Variants in NOTUM observed in about 807,000 individuals in gnomAD.
NOTUM encodes the protein notum, palmitoleoyl-protein carboxylesterase.
Under a neutral mutation model 65.5 loss-of-function variants are expected in NOTUM, and 36 were observed. The observed-to-expected ratio is 0.55, with a 90% CI of 0.42 to 0.73. NOTUM has a LOEUF of 0.73. Among genes scored for constraint, NOTUM ranks in the 30% least tolerant of loss-of-function variants. NOTUM has a pLI of 0.00. For missense variants in NOTUM, 659 were observed against 694.2 expected, an observed-to-expected ratio of 0.95 and a Z score of 0.57; for synonymous variants, 356 against 297.9, an observed-to-expected ratio of 1.20 and a Z score of -2.01.
intron 4 of NOTUM, among the ~76,000 whole-genome samples, chr17:81,958,699 G>C (rs1598368961): frequency 6.6e-6 from 1 of 150,700 alleles, no homozygotes; most frequent in Admixed American, 6.6e-5. Context: ...TGCCAGGAAG[G>C]ACCATCTCAG....
In NOTUM at chr17:81,955,397, G is replaced by T; in HGVS notation, c.1136C>A (p.Pro379Gln). Residue 379 changes from proline (P) to glutamine (Q), a missense_variant and splice_region_variant, in exon 9 of 11, where the codon CCG (proline) becomes CAG (glutamine). Pro to Gln is a moderately conservative substitution (Grantham distance 76, BLOSUM62 -1). Coordinates refer to ENST00000409678, the MANE Select transcript of NOTUM (RefSeq NM_178493.6). ...GGGCTCCCGGGGCCCACACACTCAC[G>T]GCACGTCCTTGAGTGTGTGGCGCAG... ...RELRHTLKDV[P>Q]ASFAPACLSH... The T allele has an allele frequency of 1.3e-6, 2 of 1,573,754 alleles. No homozygotes were observed. The highest frequency in any genetic ancestry group is 1.7e-6 in the Non-Finnish European group (2 of 1,158,980).
At chr17:81,959,716 GGGGTCGGCCA>G (rs759752150) in intron 1 of NOTUM, 24 bp from the exon 2 acceptor site, 1 of 1,421,524 alleles carries the variant, frequency 7.0e-7, no homozygotes, top group South Asian at 1.4e-5. Flanking sequence ...CGCACCGCGG[GGGGTCGGCCA>G]GGGCTGCCGA....
At chr17:81,958,455 A>G in intron 4 of NOTUM, 62 bp from the exon 5 acceptor site, 1 of 1,107,918 alleles carries the variant, frequency 9.0e-7, no homozygotes, top group Non-Finnish European at 1.4e-6. Flanking sequence ...TCCAGAAAGG[A>G]CCCCCAGAAC....
Position 81,954,931 on chromosome 17 carries a change from ATCTC to A in NOTUM, c.1136+462_1136+465del, listed in dbSNP as rs35033192. Among the ~76,000 whole-genome samples, 743 of 110,098 alleles carry A rather than the reference ATCTC, an allele frequency of 6.7e-3. 10 individuals are homozygous for A. Among genetic ancestry groups the A allele is most frequent in the Middle Eastern group, 0.021 (4 of 188 alleles). The allele number at this position is 110,098 out of a possible 152,430, so 72.2% of individuals were successfully genotyped here. The stretch of plus-strand genomic sequence containing the variant: ...TGTGCCAGGCCCAAGACCGATCTCG[ATCTC>A]TCTCTCTCTCTCTCTCTCTCTCTCC... On this transcript the variant is annotated intron_variant, in intron 9 of 10. Transcript: ENST00000409678.
chr17:81,960,766 G>C lies in NOTUM; in HGVS notation c.144C>G (p.Pro48=), dbSNP rs753584133. 2.5e-6 allele frequency: 4 copies of C among 1,580,592 alleles called. No homozygotes were observed. The highest frequency in any genetic ancestry group is 3.4e-6 in the Non-Finnish European group (4 of 1,164,218). The change falls in exon 1 of 11, where the codon CCC becomes CCG. Residue 48 remains proline (P), a synonymous_variant. Transcript: ENST00000409678. This position sits in a 1 kb window ranked among gnomAD's most constrained non-coding sequence, Gnocchi z 6.4. ...RTEAAPAAGQ[P]VESFPLDFTA... Reference sequence around the variant, plus strand: ...TGAAGTCCAGCGGGAAGCTCTCCACGGGCTGTCCGGCCGCCGGCGCCGCCT... The same window carrying C: ...TGAAGTCCAGCGGGAAGCTCTCCACCGGCTGTCCGGCCGCCGGCGCCGCCT...
At position 81,952,971 on chromosome 17, in the gene NOTUM, T is replaced by C. The variant is rs747230365; in HGVS notation, c.1481A>G (p.Asn494Ser). The C allele has an allele frequency of 4.3e-6, 7 of 1,613,814 alleles. No individual in the cohort carries two copies. The highest frequency in any genetic ancestry group is 1.6e-4 in the Middle Eastern group (1 of 6,062). Residue 494 changes from asparagine (N) to serine (S), a missense_variant, in exon 11 of 11, where the codon AAC becomes AGC. Asn to Ser is a conservative substitution (Grantham distance 46). Transcript: ENST00000409678. ...EPSELLGMLS[N>S]GS ...CTCCAGACAGTCTGCCTAGCTTCCG[T>C]TGCTCAGCATCCCCAGCAGCTCACT...
At chr17:81,958,244 C>A in intron 5 of NOTUM, 91 bp downstream of exon 5, 2 of 867,598 alleles carry the variant, frequency 2.3e-6, no homozygotes, top group South Asian at 1.4e-5. Context: ...TGCCGTCCCG[C>A]CTCATCCCTG....
chr17:81,958,223 C>T, intron 5 of NOTUM, 112 bp downstream of exon 5: 1 of 754,948 alleles, frequency 1.3e-6, no homozygotes, highest in Non-Finnish European at 2.3e-6. Flanking sequence ...TCAGCTTTTC[C>T]CCAGAACCCC....
At chr17:81,956,502 T>G in intron 8 of NOTUM, 148 bp downstream of exon 8, 1 of 617,206 alleles carries the variant, frequency 1.6e-6, no homozygotes, top group Non-Finnish European at 2.9e-6. Context: ...GCCGGCCTCC[T>G]CCCTGGTACA....
At position 81,955,408 on chromosome 17, in the gene NOTUM, G is replaced by C. The variant is rs1341002108; in HGVS notation, c.1125C>G (p.Leu375=). 3 of 1,584,972 alleles carry C rather than the reference G, an allele frequency of 1.9e-6. No individual in the cohort carries two copies. The highest frequency in any genetic ancestry group is 1.8e-5 in the Admixed American group (1 of 56,062). Residue 375 remains leucine (L), a synonymous_variant, in exon 9 of 11, where the codon CTC becomes CTG. Coordinates refer to ENST00000409678, the MANE Select transcript of NOTUM (RefSeq NM_178493.6). ...QNLGRELRHT[L]KDVPASFAPA... ...GCCCACACACTCACGGCACGTCCTTGAGTGTGTGGCGCAGCTCGCGGCCGA... is the reference window on the plus strand; with the variant it reads ...GCCCACACACTCACGGCACGTCCTTCAGTGTGTGGCGCAGCTCGCGGCCGA...
intron 9 of NOTUM, 93 bp from the exon 10 acceptor site, chr17:81,954,396 C>A: frequency 2.3e-6 from 2 of 857,142 alleles, no homozygotes; most frequent in South Asian, 1.6e-5. Context: ...GCCTGGCCAT[C>A]ACCCCTTCCT....
At chr17:81,954,892 T>C in intron 9 of NOTUM, among the ~76,000 whole-genome samples, 1 of 152,182 alleles carries the variant, frequency 6.6e-6, no homozygotes, top group East Asian at 1.9e-4. Context: ...GGTGGGATTA[T>C]AGGCGTGAGC....
At chr17:81,954,156 G>T (rs777942194) in intron 10 of NOTUM, 100 bp downstream of exon 10, 1 of 802,440 alleles carries the variant, frequency 1.2e-6, no homozygotes, top group South Asian at 1.5e-5. Flanking sequence ...CCCTAGAAGC[G>T]CCAAGAAGAG....
In NOTUM at chr17:81,958,336, C is replaced by G; in HGVS notation, c.591G>C (p.Lys197Asn). Residue 197 changes from lysine to asparagine, a missense_variant and splice_region_variant, in exon 5 of 11, where the codon AAG (lysine) becomes AAC (asparagine). Transcript: ENST00000409678. ...VWSGASSKSE[K>N]NEYAFMGALI... is the part of the protein sequence containing the mutation. ...TGCCCTGGGAAGGCCGAGACTCACT[C>G]TTCTCAGACTTGGATGAAGCCCCGC... 6.2e-7 allele frequency: 1 copy of G among 1,605,766 alleles called. No homozygotes were observed. The highest frequency in any genetic ancestry group is 1.7e-4 in the Middle Eastern group (1 of 6,048).
At position 81,956,667 on chromosome 17, in the gene NOTUM, A is replaced by G; in HGVS notation, c.971T>C (p.Val324Ala). The G allele has an allele frequency of 6.2e-7, 1 of 1,612,238 alleles. No homozygotes were observed. The highest frequency in any genetic ancestry group is 8.5e-7 in the Non-Finnish European group (1 of 1,179,234). The change falls in exon 8 of 11, where the codon GTC becomes GCC. Residue 324 changes from valine (V) to alanine (A), a missense_variant. Physicochemically the swap from Val to Ala is moderately conservative, Grantham distance 64. Transcript: ENST00000409678. The part of the protein sequence containing the change: ...EEWNCFFGYK[V>A]YPTLRCPVFV... ...CCACTCACAGCGCAGGGTCGGGTAG[A>G]CCTTGTAGCCAAAGAAGCAGTTCCA...
intron 9 of NOTUM, 107 bp from the exon 10 acceptor site, chr17:81,954,410 GC>G: frequency 1.4e-6 from 1 of 736,160 alleles, no homozygotes; most frequent in Non-Finnish European, 2.3e-6. Context: ...CCTTCCTGTT[GC>G]TATGGCTGCC....
In NOTUM at chr17:81,960,685, C is replaced by T; in HGVS notation, c.225G>A (p.Gln75=). Residue 75 remains glutamine, a synonymous_variant, in exon 1 of 11, where the codon CAG becomes CAA. Transcript: ENST00000409678. The surrounding 1 kb of genome is among the most constrained non-coding windows in gnomAD (Gnocchi z 6.4). ...GCTGCGCGGAGCAGGGGTACAGGGACTGCGCCAGGCTCTTGACTTGCGCCA... is the reference window on the plus strand; with the variant it reads ...GCTGCGCGGAGCAGGGGTACAGGGATTGCGCCAGGCTCTTGACTTGCGCCA... ...SFMAQVKSLA[Q]SLYPCSAQQL... 6.2e-7 allele frequency: 1 copy of T among 1,600,716 alleles called. No homozygotes were observed.
At position 81,958,384 on chromosome 17, in the gene NOTUM, G is replaced by A. The variant is rs920171543; in HGVS notation, c.543C>T (p.Pro181=). The A allele has an allele frequency of 3.7e-6, 6 of 1,609,618 alleles. No homozygotes were observed. In the African/African-American group the frequency reaches 5.3e-5, roughly 14 times the overall value. Residue 181 remains proline (P), a synonymous_variant, in exon 5 of 11, where the codon CCC becomes CCT. Coordinates refer to ENST00000409678, the MANE Select transcript of NOTUM (RefSeq NM_178493.6). ...YWWNANMVFI[P]YCSSDVWSGA... is the part of the protein sequence containing the mutation. Reference sequence around the variant, plus strand: ...CGCTCCAAACATCACTGGAGCAGTAGGGGATGAAGCTGCAACACAGAACAG... The same window carrying A: ...CGCTCCAAACATCACTGGAGCAGTAAGGGATGAAGCTGCAACACAGAACAG...
Position 81,959,002 on chromosome 17 carries a change from A to G in NOTUM, c.473-7T>C. ...GAGGACAGGATCCCTGTGCCTGGGG[A>G]CACAGAGGCGGTGGGTCTTTCTAGC... is the stretch of plus-strand genomic sequence containing the variant. On this transcript the variant is annotated splice_region_variant and splice_polypyrimidine_tract_variant and intron_variant, in intron 3 of 10. Transcript: ENST00000409678. 6.2e-7 allele frequency: 1 copy of G among 1,612,116 alleles called. No individual in the cohort carries two copies. The highest frequency in any genetic ancestry group is 8.5e-7 in the Non-Finnish European group (1 of 1,179,038).
Sources: allele counts gnomAD v4.1 joint callset (sites outside exome capture counted in the v4.1 genomes callset), GRCh38; gene constraint gnomAD v4.1.1; non-coding constraint Gnocchi (gnomAD v3.1); transcripts MANE v1.5; gene names NCBI Gene and HGNC (gene_info 2026-07-23, HGNC 2026-07-21).